The following TMEM164 variants were observed in gnomAD, a reference collection of about 807,000 sequenced individuals.
The protein encoded by TMEM164 is transmembrane protein 164, also known as RP13-360B22.2.
Under a neutral mutation model 18.8 loss-of-function variants are expected in TMEM164, and 4 were observed. The observed-to-expected ratio is 0.21, with a 90% CI of 0.10 to 0.49. The LOEUF (loss-of-function observed/expected upper bound fraction) is 0.49, where lower values mean the gene tolerates loss of function less well. Among genes scored for constraint, TMEM164 ranks in the 20% least tolerant of loss-of-function variants. The probability of loss-of-function intolerance (pLI) is 0.98; values close to 1 mark genes in which losing one functional copy is unlikely to be tolerated. For missense variants in TMEM164, 108 were observed against 239.9 expected (o/e 0.45, Z 3.63); for synonymous variants, 86 against 101.7 (o/e 0.85, Z 0.93).
chrX:110,148,614 TCCTCCCA>T (rs964754363), intron 5 of TMEM164, among the ~76,000 whole-genome samples: 10 of 108,250 alleles, frequency 9.2e-5, no homozygotes, highest in Non-Finnish European at 1.5e-4. Flanking sequence ...GCTTACATGG[TCCTCCCA>T]CCTCAGCCTC....
intron 3 of TMEM164, among the ~76,000 whole-genome samples, chrX:110,108,017 G>A (rs894577225): frequency 1.8e-5 from 2 of 108,367 alleles, no homozygotes; most frequent in African/African-American, 6.8e-5. Flanking sequence ...TAAAGTTCTA[G>A]AGAGTCTTCA....
At chrX:110,033,900 A>G (rs1335601042) in intron 2 of TMEM164, among the ~76,000 whole-genome samples, 2 of 111,930 alleles carry the variant, frequency 1.8e-5, no homozygotes, top group Non-Finnish European at 3.8e-5. Context: ...GAGGACAGGA[A>G]TAACTACCCT....
At chrX:110,080,004 C>G (rs2065729552) in intron 3 of TMEM164, among the ~76,000 whole-genome samples, 1 of 111,352 alleles carries the variant, frequency 9.0e-6, no homozygotes, top group Admixed American at 9.5e-5. Context: ...AATGAGTTAT[C>G]CTGTAAACTG....
chrX:110,025,664 C>T lies in TMEM164; in HGVS notation c.390+21500C>T, dbSNP rs766791906. Among the ~76,000 whole-genome samples the T allele has an allele frequency of 3.7e-4, 42 of 112,185 alleles. 1 individual carries two copies. The highest frequency in any genetic ancestry group is 7.1e-4 in the Non-Finnish European group (38 of 53,189). ...CAGTCATGCCACGAAATGGGTACCT[C>T]CTAAACACTAACTTGGATACCCTGC... is the stretch of plus-strand genomic sequence containing the variant. On this transcript the variant is annotated intron_variant, in intron 2 of 6. Transcript: ENST00000372068.
chrX:110,105,184 C>G (rs934246618), intron 3 of TMEM164, among the ~76,000 whole-genome samples: 4 of 100,420 alleles, frequency 4.0e-5, no homozygotes, highest in Non-Finnish European at 8.0e-5. Context: ...AACCATCCAT[C>G]CATCCATCCA....
chrX:110,083,323 A>G (rs963602091), intron 3 of TMEM164, among the ~76,000 whole-genome samples: 1 of 111,524 alleles, frequency 9.0e-6, no homozygotes, highest in Admixed American at 9.6e-5. Flanking sequence ...TCAAATAACT[A>G]TTTTCCTATG....
chrX:110,112,997 A>G, intron 4 of TMEM164, among the ~76,000 whole-genome samples: 1 of 110,502 alleles, frequency 9.0e-6, no homozygotes, highest in Admixed American at 9.7e-5. Context: ...CATAGAAACC[A>G]TTGTTTCTTC....
chrX:110,176,665 G>A lies in TMEM164; in HGVS notation c.*3214G>A, dbSNP rs1387034340. 8.8e-6 allele frequency: 1 copy of A among 113,324 alleles called. No homozygotes were observed. The highest frequency in any genetic ancestry group is 1.8e-5 in the Non-Finnish European group (1 of 54,776). The allele number at this position is 113,324 out of a possible 1,213,427, so 9.3% of individuals were successfully genotyped here. A position where few individuals can be genotyped will look rare whatever the true frequency, so the allele number is the denominator to read the frequency against. On this transcript the variant is annotated 3_prime_UTR_variant, in exon 7 of 7. Transcript: ENST00000372068. ...GGGCACAGCTCCCCACAGAGAGCAA[G>A]TTGTCAGCAGGTCTCTGTGCACTGG...
At position 110,100,297 on chromosome X, in the gene TMEM164, T is replaced by G. The variant is rs759397127; in HGVS notation, c.441-8783T>G. ...AGTCTTTCACCATTAAGTATTAGATTAGGCATAGTAATTTTAGGTGCCCTT... is the reference window on the plus strand; with the variant it reads ...AGTCTTTCACCATTAAGTATTAGATGAGGCATAGTAATTTTAGGTGCCCTT... On this transcript the variant is annotated intron_variant, in intron 3 of 6. Transcript: ENST00000372068. Among the ~76,000 whole-genome samples the G allele has an allele frequency of 4.5e-5, 5 of 111,130 alleles. No individual in the cohort carries two copies. In the South Asian group the frequency reaches 1.5e-3, roughly 34 times the overall value.
intron 3 of TMEM164, among the ~76,000 whole-genome samples, chrX:110,083,006 G>T (rs746875827): frequency 8.1e-5 from 9 of 111,159 alleles, no homozygotes; most frequent in Non-Finnish European, 1.5e-4. Context: ...TGCAGTAAAT[G>T]TTTTCCCCAG....
intron 4 of TMEM164, among the ~76,000 whole-genome samples, chrX:110,142,190 G>A (rs891651209): frequency 2.7e-5 from 3 of 112,407 alleles, no homozygotes; most frequent in Non-Finnish European, 5.6e-5. Flanking sequence ...GCACCAGACA[G>A]TAGGCAGAGC....
At chrX:110,017,444 T>TTCTTTCTTTCTTTCTTTCTTTTTC (rs1182465665) in intron 2 of TMEM164, among the ~76,000 whole-genome samples, 1 of 43,026 alleles carries the variant, frequency 2.3e-5, no homozygotes, top group Non-Finnish European at 4.3e-5. Flanking sequence ...CTTTCTTTCT[T>TTCTTTCTTTCTTTCTTTCTTTTTC]TCTCTCTCTC....
chrX:110,058,380 T>A (rs1212352646), intron 2 of TMEM164, among the ~76,000 whole-genome samples: 1 of 109,633 alleles, frequency 9.1e-6, no homozygotes, highest in East Asian at 2.9e-4. Flanking sequence ...ATTCCTCAGC[T>A]CCAGAATTTG....
At chrX:110,172,673 G>A (rs2067246998) in intron 6 of TMEM164, among the ~76,000 whole-genome samples, 1 of 111,721 alleles carries the variant, frequency 9.0e-6, no homozygotes, top group Admixed American at 9.4e-5. Context: ...TACAAGGAGG[G>A]CAACCCTCAC....
At chrX:110,071,047 A>T (rs1297894879) in intron 3 of TMEM164, among the ~76,000 whole-genome samples, 1 of 111,334 alleles carries the variant, frequency 9.0e-6, no homozygotes, top group Non-Finnish European at 1.9e-5. Flanking sequence ...CCTAAAACTG[A>T]TTTTAAATGG....
chrX:110,161,448 G>A (rs943305787), intron 5 of TMEM164, among the ~76,000 whole-genome samples: 1 of 111,655 alleles, frequency 9.0e-6, no homozygotes, highest in Non-Finnish European at 1.9e-5. Context: ...TAGTGGATGA[G>A]GGGGGACCTG....
At chrX:110,097,527 G>T (rs911087351) in intron 3 of TMEM164, among the ~76,000 whole-genome samples, 5 of 112,101 alleles carry the variant, frequency 4.5e-5, no homozygotes, top group African/African-American at 1.6e-4. Flanking sequence ...TTATTTAAGG[G>T]TATAAACATG....
At chrX:110,034,655 A>C (rs1045137208) in intron 2 of TMEM164, among the ~76,000 whole-genome samples, 7 of 110,735 alleles carry the variant, frequency 6.3e-5, no homozygotes, top group Non-Finnish European at 1.3e-4. Context: ...TGTGGAAGTC[A>C]GTGTGGCGAT....
downstream of TMEM164, among the ~76,000 whole-genome samples, chrX:110,181,837 C>G (rs1163659761): frequency 8.9e-6 from 1 of 112,490 alleles, no homozygotes; most frequent in Non-Finnish European, 1.9e-5. Flanking sequence ...GAAGGGGTTC[C>G]TATTTCCAGA....
Sources: gnomAD v4.1 joint callset for allele counts (sites outside exome capture counted in the v4.1 genomes callset) on GRCh38, gnomAD v4.1.1 for gene constraint, MANE v1.5 for transcripts, NCBI Gene and HGNC (gene_info 2026-07-23, HGNC 2026-07-21) for gene names.